Variants in LRP1B observed in about 807,000 individuals in gnomAD.
LRP1B encodes the protein low-density lipoprotein receptor-related protein 1B.
LRP1B carries 217 observed loss-of-function variants against 556.6 expected under a neutral mutation model. That is an observed-to-expected ratio of 0.39 (90% CI 0.35 to 0.44). The LOEUF (loss-of-function observed/expected upper bound fraction) is 0.44, where lower values mean the gene tolerates loss of function less well. Among genes scored for constraint, LRP1B ranks in the 20% least tolerant of loss-of-function variants. LRP1B has a pLI of 1.00. For missense variants in LRP1B, 5,053 were observed against 5,620.8 expected (o/e 0.90, Z 3.23); for synonymous variants, 2,047 against 1,865.8 (o/e 1.10, Z -2.50).
At chr2:140,334,063 T>C (rs1680951978) in intron 79 of LRP1B, among the ~76,000 whole-genome samples, 2 of 151,982 alleles carry the variant, frequency 1.3e-5, no homozygotes, top group African/African-American at 4.8e-5. Flanking sequence ...AAGGTATTTA[T>C]ATTTAGCCAC....
At chr2:140,659,852 TAA>T (rs1174380590) in intron 41 of LRP1B, among the ~76,000 whole-genome samples, 1 of 152,100 alleles carries the variant, frequency 6.6e-6, no homozygotes, top group African/African-American at 2.4e-5. Context: ...AATAAATTTT[TAA>T]GAGTCAAGAA....
intron 25 of LRP1B, among the ~76,000 whole-genome samples, chr2:140,875,801 T>A (rs1447590554): frequency 1.3e-5 from 2 of 152,160 alleles, no homozygotes; most frequent in Non-Finnish European, 2.9e-5. Context: ...TTTGTATATG[T>A]TATTGGTATG....
chr2:141,814,603 C>A (rs1018610959), intron 1 of LRP1B, among the ~76,000 whole-genome samples: 9 of 152,106 alleles, frequency 5.9e-5, no homozygotes, highest in Admixed American at 3.3e-4. Flanking sequence ...TTATGTTCAC[C>A]ATCTAATAAA....
chr2:141,211,361 C>T (rs968886937), intron 6 of LRP1B, among the ~76,000 whole-genome samples: 1 of 150,812 alleles, frequency 6.6e-6, no homozygotes, highest in African/African-American at 2.4e-5. Context: ...GTGCCTCATG[C>T]CTGTAATCCC....
intron 83 of LRP1B, among the ~76,000 whole-genome samples, chr2:140,309,929 T>TC (rs1684226165): frequency 2.1e-5 from 1 of 47,144 alleles, no homozygotes; most frequent in Non-Finnish European, 5.0e-5. Flanking sequence ...TAAATTTTGT[T>TC]TTTTTATTAC....
intron 57 of LRP1B, among the ~76,000 whole-genome samples, chr2:140,489,717 C>T (rs976790640): frequency 2.0e-5 from 3 of 151,996 alleles, no homozygotes; most frequent in Admixed American, 1.3e-4. Context: ...TCTGTGATGG[C>T]TTGGCAATTC....
chr2:140,364,885 T>C (rs1682683086), intron 71 of LRP1B, 102 bp from the exon 72 acceptor site: 1 of 929,620 alleles, frequency 1.1e-6, no homozygotes, highest in Non-Finnish European at 1.6e-6. Flanking sequence ...TCTAGTTGAC[T>C]GCTTCCATAT....
chr2:141,433,348 TAAG>T (rs1467663332), intron 3 of LRP1B, among the ~76,000 whole-genome samples: 2 of 152,070 alleles, frequency 1.3e-5, no homozygotes, highest in Non-Finnish European at 2.9e-5. Context: ...CGTGTGTGCT[TAAG>T]AAGAGCGTGT....
At chr2:141,427,796 G>T (rs1404109494) in intron 3 of LRP1B, among the ~76,000 whole-genome samples, 1 of 151,998 alleles carries the variant, frequency 6.6e-6, no homozygotes, top group Non-Finnish European at 1.5e-5. Context: ...TGAAATAAGA[G>T]AAACACTTAC....
chr2:141,865,335 G>A (rs986351242), intron 1 of LRP1B, among the ~76,000 whole-genome samples: 1 of 152,048 alleles, frequency 6.6e-6, no homozygotes, highest in African/African-American at 2.4e-5. Flanking sequence ...GCTCACGCCT[G>A]TAATCCCAGC....
At chr2:140,649,339 T>A (rs1044946829) in intron 41 of LRP1B, among the ~76,000 whole-genome samples, 2 of 152,208 alleles carry the variant, frequency 1.3e-5, no homozygotes, top group African/African-American at 4.8e-5. Flanking sequence ...CTTCTCTCTG[T>A]TCTTCATCCC....
chr2:140,962,244 C>T (rs1696058953), intron 18 of LRP1B, among the ~76,000 whole-genome samples: 1 of 152,054 alleles, frequency 6.6e-6, no homozygotes, highest in Non-Finnish European at 1.5e-5. Flanking sequence ...CATATAAGCA[C>T]ATCATGTAGA....
intron 72 of LRP1B, among the ~76,000 whole-genome samples, chr2:140,360,513 G>A (rs1387373119): frequency 1.3e-5 from 2 of 151,412 alleles, no homozygotes; most frequent in Non-Finnish European, 3.0e-5. Flanking sequence ...TTATTTTGAA[G>A]GCTAGATATT....
intron 3 of LRP1B, among the ~76,000 whole-genome samples, chr2:141,390,524 T>A (rs1447694438): frequency 6.6e-6 from 1 of 152,216 alleles, no homozygotes; most frequent in Admixed American, 6.5e-5. Context: ...CAAAAGATTT[T>A]AAAAAGTCTG....
intron 84 of LRP1B, among the ~76,000 whole-genome samples, chr2:140,276,260 A>ATT (rs1682668701): frequency 6.6e-6 from 1 of 151,960 alleles, no homozygotes; most frequent in African/African-American, 2.4e-5. Flanking sequence ...GACAAATTAA[A>ATT]TTTATTGACA....
chr2:141,219,582 G>T (rs982175844), intron 6 of LRP1B, among the ~76,000 whole-genome samples: 1 of 152,212 alleles, frequency 6.6e-6, no homozygotes, highest in African/African-American at 2.4e-5. Flanking sequence ...ACAAGGGGCA[G>T]CCAAGCTGTT....
chr2:141,329,402 A>G (rs1325433740), intron 3 of LRP1B, among the ~76,000 whole-genome samples: 2 of 145,404 alleles, frequency 1.4e-5, no homozygotes, highest in Non-Finnish European at 3.0e-5. Context: ...AAAAAAAAAA[A>G]GGGAGGCCGA....
chr2:140,581,241 A>G (rs1681750611), intron 43 of LRP1B, among the ~76,000 whole-genome samples: 1 of 152,232 alleles, frequency 6.6e-6, no homozygotes, highest in African/African-American at 2.4e-5. Flanking sequence ...AACATTATTC[A>G]AAGTTTTCGC....
intron 37 of LRP1B, among the ~76,000 whole-genome samples, chr2:140,709,130 A>G (rs923994828): frequency 6.6e-6 from 1 of 152,104 alleles, no homozygotes; most frequent in African/African-American, 2.4e-5. Flanking sequence ...AGTCTTTGCC[A>G]TGGAAAGAAA....
Sources: gnomAD v4.1 joint callset for allele counts (sites outside exome capture counted in the v4.1 genomes callset) on GRCh38, gnomAD v4.1.1 for gene constraint, MANE v1.5 for transcripts, NCBI Gene and HGNC (gene_info 2026-07-23, HGNC 2026-07-21) for gene names.